THADA: variants seen among roughly 807,000 people sequenced by gnomAD.
THADA encodes the protein tRNA (32-2'-O)-methyltransferase regulator THADA.
THADA carries 213 observed loss-of-function variants against 219.8 expected under a neutral mutation model. That is an observed-to-expected ratio of 0.97 (90% confidence interval 0.87 to 1.09). THADA has a LOEUF of 1.09. Among genes scored for constraint, THADA ranks in the 50% least tolerant of loss-of-function variants. The probability of loss-of-function intolerance (pLI) is 0.00; values close to 1 mark genes in which losing one functional copy is unlikely to be tolerated. For missense variants in THADA, 2,956 were observed against 2,311.3 expected, an observed-to-expected ratio of 1.28 and a Z score of -5.72; for synonymous variants, 1,018 against 828.9, an observed-to-expected ratio of 1.23 and a Z score of -3.92.
chr2:43,290,953 T>C (rs557712610), intron 34 of THADA, among the ~76,000 whole-genome samples: 5 of 152,130 alleles, frequency 3.3e-5, no homozygotes, highest in Non-Finnish European at 7.4e-5. Context: ...AGCTGGGCCA[T>C]GTTCTGGGGG....
At chr2:43,370,817 G>T (rs959119249) in intron 29 of THADA, among the ~76,000 whole-genome samples, 4 of 152,180 alleles carry the variant, frequency 2.6e-5, no homozygotes, top group Non-Finnish European at 5.9e-5. Flanking sequence ...CTGAAACTCA[G>T]TAGATTTCAA....
intron 7 of THADA, among the ~76,000 whole-genome samples, chr2:43,586,162 A>G (rs142364250): frequency 0.011 from 1,710 of 152,198 alleles, 37 homozygotes; most frequent in African/African-American, 0.039. Flanking sequence ...CTACGTGGGA[A>G]GCTGAGGTGA....
rs200726830 is a variant in THADA, at chr2:43,484,960, A to G, written c.3836+274T>C. 2.6e-5 allele frequency among the ~76,000 whole-genome samples: 4 copies of G among 152,046 alleles called. No individual in the cohort carries two copies. The East Asian group carries it at 7.7e-4, about 29-fold the overall frequency. On this transcript the variant is annotated intron_variant, in intron 26 of 37. Transcript: ENST00000405975. Reference sequence around the variant, plus strand: ...GCAATTAAAAAAAAAAAAACAAAAAAAACACTAGCTTTTGCATGGAGAAAC... The same window carrying G: ...GCAATTAAAAAAAAAAAAACAAAAAGAACACTAGCTTTTGCATGGAGAAAC...
At chr2:43,548,736 G>T (rs1464894571) in intron 20 of THADA, among the ~76,000 whole-genome samples, 1 of 152,218 alleles carries the variant, frequency 6.6e-6, no homozygotes, top group Non-Finnish European at 1.5e-5. Context: ...GCAGTATTAG[G>T]ATGGCAGTGA....
chr2:43,322,512 A>G (rs998881682), intron 30 of THADA, among the ~76,000 whole-genome samples: 5 of 151,010 alleles, frequency 3.3e-5, no homozygotes, highest in Admixed American at 3.3e-4. Context: ...TCAAAAATAA[A>G]TAAATAAATA....
At chr2:43,549,486 G>A in intron 19 of THADA, 118 bp from the exon 20 acceptor site, 1 of 1,017,154 alleles carries the variant, frequency 9.8e-7, no homozygotes, top group South Asian at 1.6e-5. Flanking sequence ...AGCTTTATTA[G>A]AAGGGACTCA....
At chr2:43,580,497 C>T (rs1700318539) in intron 8 of THADA, among the ~76,000 whole-genome samples, 1 of 123,986 alleles carries the variant, frequency 8.1e-6, no homozygotes, top group South Asian at 2.8e-4. Flanking sequence ...CTTTCCTTTC[C>T]TTTTAATACC....
In THADA at chr2:43,570,413, G is replaced by C; in HGVS notation, c.2162C>G (p.Pro721Arg). The change falls in exon 14 of 38, where the codon CCT becomes CGT. Residue 721 changes from proline (P) to arginine (R), a missense_variant. By Grantham distance (103) the Pro-to-Arg change is moderately radical. Coordinates refer to ENST00000405975, the MANE Select transcript of THADA (RefSeq NM_022065.5). ...EPENELTKQHPSVSLQQYKNF... is the reference protein window; with the variant it reads ...EPENELTKQHRSVSLQQYKNF... ...CTTATACTGCTGTAAAGAAACAGAA[G>C]GGTGCTGTTTGGTTAACTCATTCTC... 1 of 1,612,918 alleles carries C rather than the reference G, an allele frequency of 6.2e-7. No homozygotes were observed. The highest frequency in any genetic ancestry group is 8.5e-7 in the Non-Finnish European group (1 of 1,179,492).
rs1216563958 is a variant in THADA, at chr2:43,398,006, A to G, written c.4192T>C (p.Phe1398Leu). 1 of 1,613,832 alleles carries G rather than the reference A, an allele frequency of 6.2e-7. No homozygotes were observed. The highest frequency in any genetic ancestry group is 1.3e-5 in the African/African-American group (1 of 74,934). ...STLPSCTDQC[F>L]RQNHIHGTLL... Reference sequence around the variant, plus strand: ...GTCCCATGAATGTGGTTTTGCCGGAAACACTGGTCAGTGCAGCTGGGGAGT... The same window carrying G: ...GTCCCATGAATGTGGTTTTGCCGGAGACACTGGTCAGTGCAGCTGGGGAGT... The change falls in exon 29 of 38, where the codon TTC (phenylalanine) becomes CTC (leucine). Residue 1398 changes from phenylalanine (F) to leucine (L), a missense_variant. Coordinates refer to ENST00000405975, the MANE Select transcript of THADA (RefSeq NM_022065.5).
At chr2:43,576,218 C>T (rs924027433) in intron 10 of THADA, among the ~76,000 whole-genome samples, 1 of 152,144 alleles carries the variant, frequency 6.6e-6, no homozygotes, top group African/African-American at 2.4e-5. Flanking sequence ...CATAATATAG[C>T]TCAAATATGT....
At chr2:43,473,706 T>G (rs1350867862) in intron 26 of THADA, among the ~76,000 whole-genome samples, 1 of 151,882 alleles carries the variant, frequency 6.6e-6, no homozygotes, top group Non-Finnish European at 1.5e-5. Context: ...CCTCCTGGGC[T>G]CAAGCGATTC....
chr2:43,232,923 C>T, intron 36 of THADA, 41 bp from the exon 37 acceptor site: 1 of 1,560,406 alleles, frequency 6.4e-7, no homozygotes, highest in Non-Finnish European at 8.7e-7. Flanking sequence ...ATATACTGCT[C>T]AGGGCCGACC....
At chr2:43,476,497 T>C (rs972586719) in intron 26 of THADA, among the ~76,000 whole-genome samples, 1 of 152,094 alleles carries the variant, frequency 6.6e-6, no homozygotes, top group South Asian at 2.1e-4. Context: ...TAGTAAGTTG[T>C]CTGTATTTAA....
chr2:43,343,623 AT>A (rs1461917843), intron 30 of THADA: 1 of 152,488 alleles, frequency 6.6e-6, no homozygotes, highest in African/African-American at 2.4e-5. Context: ...AGGATGAAAA[AT>A]ATGTTTCTAT....
intron 22 of THADA, among the ~76,000 whole-genome samples, chr2:43,511,880 T>C (rs1450099281): frequency 6.6e-6 from 1 of 152,078 alleles, no homozygotes; most frequent in Non-Finnish European, 1.5e-5. Context: ...GACATGTAGG[T>C]CGAATGGTGG....
intron 36 of THADA, among the ~76,000 whole-genome samples, chr2:43,262,477 C>T (rs148688287): frequency 1.3e-5 from 2 of 152,250 alleles, no homozygotes; most frequent in African/African-American, 2.4e-5. Context: ...TCAGTCTGGA[C>T]TCACTCATAT....
chr2:43,292,692 C>T, intron 32 of THADA, 142 bp downstream of exon 32: 2 of 1,029,276 alleles, frequency 1.9e-6, no homozygotes, highest in Middle Eastern at 3.2e-4. Flanking sequence ...AAAGAGAGTC[C>T]TTATCCACTG....
chr2:43,448,801 G>A (rs1003842551), intron 26 of THADA, among the ~76,000 whole-genome samples: 2 of 151,932 alleles, frequency 1.3e-5, no homozygotes, highest in Admixed American at 1.3e-4. Context: ...AACAACAAAA[G>A]TAAAATCAGA....
intron 26 of THADA, among the ~76,000 whole-genome samples, chr2:43,483,101 A>T (rs1212923678): frequency 6.6e-6 from 1 of 152,230 alleles, no homozygotes; most frequent in Non-Finnish European, 1.5e-5. Flanking sequence ...CCAAGAACAC[A>T]CATTTCCAAA....
Sources: allele counts gnomAD v4.1 joint callset (sites outside exome capture counted in the v4.1 genomes callset), GRCh38; gene constraint gnomAD v4.1.1; transcripts MANE v1.5; gene names NCBI Gene and HGNC (gene_info 2026-07-23, HGNC 2026-07-21).